Variants in ACADL observed in about 807,000 individuals in gnomAD.
The protein encoded by ACADL is long-chain specific acyl-CoA dehydrogenase, mitochondrial.
In ACADL, 60 loss-of-function variants were observed where a neutral mutation model predicts 56.9. That is an observed-to-expected ratio of 1.05 (90% confidence interval 0.86 to 1.31). The LOEUF (loss-of-function observed/expected upper bound fraction) is 1.31, where lower values mean the gene tolerates loss of function less well. Among genes scored for constraint, ACADL ranks in the 50% most tolerant of loss-of-function variants. ACADL has a pLI of 0.00. For synonymous variants in ACADL, 158 were observed against 179.7 expected (o/e 0.88, Z 0.97); for missense variants, 484 against 525.5 (o/e 0.92, Z 0.77).
chr2:210,211,322 A>G (rs1212933872), intron 4 of ACADL, among the ~76,000 whole-genome samples: 1 of 152,184 alleles, frequency 6.6e-6, no homozygotes, highest in Non-Finnish European at 1.5e-5. Context: ...TTAGGTCCCA[A>G]TTTTTATTAA....
intron 5 of ACADL, among the ~76,000 whole-genome samples, chr2:210,206,230 G>A (rs758961456): frequency 6.6e-6 from 1 of 152,040 alleles, no homozygotes; most frequent in East Asian, 1.9e-4. Flanking sequence ...TTGAGCTCAG[G>A]AGTTCAAGAC....
intron 5 of ACADL, chr2:210,209,940 G>T: frequency 1.1e-5 from 4 of 375,194 alleles, no homozygotes; most frequent in Non-Finnish European, 9.8e-6. Flanking sequence ...TCTTTTTCTG[G>T]TTTAATAAGG....
Position 210,225,258 on chromosome 2 carries a change from G to C in ACADL, c.6C>G (p.Ala2=). 6.4e-7 allele frequency: 1 copy of C among 1,556,924 alleles called. No homozygotes were observed. Among genetic ancestry groups the C allele is most frequent in the South Asian group, 1.2e-5 (1 of 85,072 alleles). The part of the protein sequence containing the change: M[A]ARLLRGSLRV... ...GTAGGGACCCTCGGAGAAGGCGTGC[G>C]GCCATGTCCGAAACACAGGGGCGGC... Residue 2 remains alanine (A), a synonymous_variant, in exon 1 of 11, where the codon GCC becomes GCG. Transcript: ENST00000233710.
intron 6 of ACADL, 28 bp downstream of exon 6, chr2:210,205,601 GTAT>G: frequency 6.2e-7 from 1 of 1,606,356 alleles, no homozygotes; most frequent in East Asian, 2.2e-5. Flanking sequence ...AACTCAATTA[GTAT>G]CTGAATATGA....
At chr2:210,216,643 T>C in intron 3 of ACADL, 132 bp from the exon 4 acceptor site, 1 of 844,898 alleles carries the variant, frequency 1.2e-6, no homozygotes, top group South Asian at 1.6e-5. Context: ...ATGACATTCC[T>C]GAGTGTTTTC....
chr2:210,199,784 A>C (rs979675563), intron 8 of ACADL, among the ~76,000 whole-genome samples: 3 of 152,066 alleles, frequency 2.0e-5, no homozygotes, highest in African/African-American at 7.2e-5. Flanking sequence ...TTGCTATGTC[A>C]CTCAGGCTAG....
intron 4 of ACADL, among the ~76,000 whole-genome samples, chr2:210,212,994 C>T (rs1559639292): frequency 6.6e-6 from 1 of 152,094 alleles, no homozygotes; most frequent in African/African-American, 2.4e-5. Flanking sequence ...GAACTGTTTG[C>T]GCAAACAATT....
intron 4 of ACADL, among the ~76,000 whole-genome samples, chr2:210,216,124 T>C (rs1259140585): frequency 6.6e-6 from 1 of 152,218 alleles, no homozygotes; most frequent in Admixed American, 6.5e-5. Context: ...AAAATTCAAC[T>C]TACACACTAC....
intron 10 of ACADL, among the ~76,000 whole-genome samples, chr2:210,190,760 C>T (rs973170046): frequency 6.6e-6 from 1 of 152,030 alleles, no homozygotes. Flanking sequence ...ATCTATGAAA[C>T]CAACCCTCAG....
chr2:210,218,449 TA>T (rs1030166524), intron 2 of ACADL: 22 of 245,852 alleles, frequency 8.9e-5, no homozygotes, highest in Admixed American at 2.1e-4. Context: ...CCAGGCTAAT[TA>T]AAAAAAAATT....
At chr2:210,216,625 A>G (rs1281096113) in intron 3 of ACADL, 114 bp from the exon 4 acceptor site, 36 of 969,934 alleles carry the variant, frequency 3.7e-5, no homozygotes, top group Admixed American at 6.7e-5. Flanking sequence ...CTATCTCATC[A>G]CAAACCTATG....
intron 8 of ACADL, among the ~76,000 whole-genome samples, 182 bp from the exon 9 acceptor site, chr2:210,195,520 A>G (rs574553055): frequency 2.6e-5 from 4 of 152,208 alleles, no homozygotes; most frequent in Non-Finnish European, 4.4e-5. Context: ...AAAACTCACT[A>G]TATTTCAGTG....
intron 1 of ACADL, chr2:210,224,917 T>C: frequency 7.7e-7 from 1 of 1,305,440 alleles, no homozygotes; most frequent in Non-Finnish European, 9.7e-7. Context: ...AATGAACTTC[T>C]GGAGAAATCT....
intron 1 of ACADL, chr2:210,224,446 A>G (rs1689232811): frequency 3.0e-6 from 3 of 985,180 alleles, no homozygotes; most frequent in South Asian, 4.7e-5. Context: ...CCCTTATTAA[A>G]TAATGAATTC....
Position 210,210,183 on chromosome 2 carries a change from CT to C in ACADL, c.603+12del. The C allele has an allele frequency of 1.2e-6, 2 of 1,602,320 alleles. No homozygotes were observed. Among genetic ancestry groups the C allele is most frequent in the Non-Finnish European group, 1.7e-6 (2 of 1,169,454 alleles). On this transcript the variant is annotated intron_variant, in intron 5 of 10. Coordinates refer to ENST00000233710, the MANE Select transcript of ACADL (RefSeq NM_001608.4). ...TCTGAAAAGAAGGGCTATAGAAGTC[CT>C]TTTTTACACACCTTGCTTCCATTGA...
intron 5 of ACADL, among the ~76,000 whole-genome samples, chr2:210,207,323 A>G (rs1688901812): frequency 6.6e-6 from 1 of 152,214 alleles, no homozygotes; most frequent in African/African-American, 2.4e-5. Context: ...TTAGCAGGAA[A>G]TAGAAAACTT....
In ACADL at chr2:210,203,335, A is replaced by G. The variant is rs775159045; in HGVS notation, c.980T>C (p.Leu327Pro). 3.1e-6 allele frequency: 5 copies of G among 1,608,444 alleles called. No individual in the cohort carries two copies. The highest frequency in any genetic ancestry group is 2.2e-5 in the South Asian group (2 of 90,880). ...AAACCACAGTGACAAGCTTACCTGT[A>G]GGTGAGCAACTGTTTTGCCAAAAGC... The part of the protein sequence containing the change: ...RKAFGKTVAH[L>P]QTVQHKLAEL... The change falls in exon 8 of 11, where the codon CTA (leucine) becomes CCA (proline). Residue 327 changes from leucine to proline, a missense_variant. Transcript: ENST00000233710.
intron 4 of ACADL, 69 bp downstream of exon 4, chr2:210,216,278 T>C: frequency 6.4e-7 from 1 of 1,554,866 alleles, no homozygotes; most frequent in Non-Finnish European, 8.8e-7. Flanking sequence ...GTCTATGTAT[T>C]AACCAAGTAC....
At chr2:210,214,511 A>AAAGAAAGAAAGAAAGAAAGAAAG (rs1559639983) in intron 4 of ACADL, among the ~76,000 whole-genome samples, 2 of 142,374 alleles carry the variant, frequency 1.4e-5, no homozygotes, top group Non-Finnish European at 3.1e-5. Flanking sequence ...AAGAAAGAAA[A>AAAGAAAGAAAGAAAGAAAGAAAG]AGAAAGAAAG....
Sources: allele counts gnomAD v4.1 joint callset (sites outside exome capture counted in the v4.1 genomes callset), GRCh38; gene constraint gnomAD v4.1.1; transcripts MANE v1.5; gene names NCBI Gene and HGNC (gene_info 2026-07-23, HGNC 2026-07-21).